The following VAV3 variants were observed in gnomAD, a reference collection of about 807,000 sequenced individuals.
VAV3 encodes vav guanine nucleotide exchange factor 3, also known as guanine nucleotide exchange factor VAV3.
In VAV3, 94 loss-of-function variants were observed where a neutral mutation model predicts 131.2. The ratio of observed to expected loss-of-function variants is 0.72; its 90% CI spans 0.61 to 0.85. VAV3 has a LOEUF of 0.85. Ranked by LOEUF, VAV3 falls within the 40% of genes least tolerant of loss-of-function variation. The probability of loss-of-function intolerance (pLI) is 0.00; values close to 1 mark genes in which losing one functional copy is unlikely to be tolerated. For synonymous variants in VAV3, 349 were observed against 342.0 expected, an observed-to-expected ratio of 1.02 and a Z score of -0.22; for missense variants, 939 against 1,002.7, an observed-to-expected ratio of 0.94 and a Z score of 0.86.
At chr1:107,854,182 C>T (rs1669360268) in intron 2 of VAV3, among the ~76,000 whole-genome samples, 1 of 152,084 alleles carries the variant, frequency 6.6e-6, no homozygotes, top group African/African-American at 2.4e-5. Flanking sequence ...TGGTAGCGTG[C>T]GCCTGTAATC....
At chr1:107,632,771 C>T (rs903489777) in intron 20 of VAV3, among the ~76,000 whole-genome samples, 3 of 152,178 alleles carry the variant, frequency 2.0e-5, no homozygotes, top group Non-Finnish European at 2.9e-5. Flanking sequence ...TCAATGCATA[C>T]TTGCTATCTG....
rs534249740 is a variant in VAV3 at position 107,736,992 on chromosome 1, G to C, written c.1502+11976C>G. ...ACAGTAACCAAAACAGCATGGTACT[G>C]GTACCAAAACAGAGATATAGACCAA... On this transcript the variant is annotated intron_variant, in intron 15 of 26. Coordinates refer to ENST00000370056, the MANE Select transcript of VAV3 (RefSeq NM_006113.5). Among the ~76,000 whole-genome samples, 8 of 152,246 alleles carry C rather than the reference G, an allele frequency of 5.3e-5. No homozygotes were observed. In the South Asian group the frequency reaches 1.7e-3, roughly 32 times the overall value.
At chr1:107,617,484 G>C (rs1653247594) in intron 21 of VAV3, 83 bp downstream of exon 21, 2 of 1,197,108 alleles carry the variant, frequency 1.7e-6, no homozygotes, top group Admixed American at 4.0e-5. Flanking sequence ...GACCTGGCCA[G>C]TATCCTTTGT....
intron 2 of VAV3, among the ~76,000 whole-genome samples, chr1:107,863,994 A>G (rs1423850553): frequency 6.6e-6 from 1 of 152,190 alleles, no homozygotes; most frequent in Non-Finnish European, 1.5e-5. Flanking sequence ...TAAAATTTTA[A>G]GGGAATGTCA....
chr1:107,812,639 T>C (rs939690747), intron 2 of VAV3, among the ~76,000 whole-genome samples: 2 of 152,154 alleles, frequency 1.3e-5, no homozygotes, highest in Admixed American at 6.5e-5. Flanking sequence ...TTAAATCACG[T>C]TGCAAAATAT....
intron 2 of VAV3, among the ~76,000 whole-genome samples, chr1:107,793,311 C>T (rs183290000): frequency 2.2e-4 from 33 of 152,292 alleles, no homozygotes; most frequent in South Asian, 1.5e-3. Context: ...CTGTCATGAA[C>T]GCTACATAAA....
At chr1:107,959,809 G>A (rs1674996355) in intron 1 of VAV3, among the ~76,000 whole-genome samples, 1 of 152,008 alleles carries the variant, frequency 6.6e-6, no homozygotes, top group Non-Finnish European at 1.5e-5. Context: ...TGTCTACTAG[G>A]CACTTCAATC....
chr1:107,868,000 G>A (rs1277450194), intron 2 of VAV3, among the ~76,000 whole-genome samples: 1 of 152,094 alleles, frequency 6.6e-6, no homozygotes. Flanking sequence ...AACTTGTGTG[G>A]GTAGTATGGG....
intron 1 of VAV3, among the ~76,000 whole-genome samples, chr1:107,919,686 T>C (rs1364079765): frequency 6.6e-6 from 1 of 152,170 alleles, no homozygotes; most frequent in African/African-American, 2.4e-5. Flanking sequence ...ATTACAGTTA[T>C]ACAGGTAAAC....
chr1:107,930,172 A>G (rs544473168), intron 1 of VAV3, among the ~76,000 whole-genome samples: 1 of 152,304 alleles, frequency 6.6e-6, no homozygotes, highest in African/African-American at 2.4e-5. Flanking sequence ...AATAACTAAA[A>G]GAGTATAACT....
At chr1:107,787,228 C>T (rs1156803198) in intron 2 of VAV3, among the ~76,000 whole-genome samples, 1 of 152,188 alleles carries the variant, frequency 6.6e-6, no homozygotes, top group East Asian at 1.9e-4. Context: ...CACTTCACTA[C>T]CCTTTCTATA....
At chr1:107,647,645 C>T (rs572869004) in intron 19 of VAV3, among the ~76,000 whole-genome samples, 3 of 152,060 alleles carry the variant, frequency 2.0e-5, no homozygotes, top group South Asian at 4.2e-4. Context: ...AAAACATGTA[C>T]ATTATTTTTT....
chr1:107,914,272 G>A (rs1672510010), intron 1 of VAV3, among the ~76,000 whole-genome samples: 1 of 152,180 alleles, frequency 6.6e-6, no homozygotes, highest in African/African-American at 2.4e-5. Flanking sequence ...AAAATTCAAA[G>A]GGCAGCTGAC....
intron 19 of VAV3, among the ~76,000 whole-genome samples, chr1:107,675,083 A>C (rs1383849490): frequency 6.6e-6 from 1 of 152,190 alleles, no homozygotes; most frequent in Admixed American, 6.5e-5. Flanking sequence ...ATCTTAAGTG[A>C]AGTATTGTAA....
intron 1 of VAV3, among the ~76,000 whole-genome samples, chr1:107,960,398 G>A (rs568173089): frequency 7.9e-5 from 12 of 152,078 alleles, no homozygotes; most frequent in East Asian, 1.9e-4. Flanking sequence ...CCTGGGAGGC[G>A]GAGGTTGCAG....
At chr1:107,766,272 T>A (rs953320834) in intron 8 of VAV3, among the ~76,000 whole-genome samples, 175 bp downstream of exon 8, 1 of 152,184 alleles carries the variant, frequency 6.6e-6, no homozygotes, top group Non-Finnish European at 1.5e-5. Context: ...TTTTCTTTTT[T>A]AATTACATAT....
chr1:107,748,443 C>G (rs148017342), intron 15 of VAV3, among the ~76,000 whole-genome samples: 49 of 152,240 alleles, frequency 3.2e-4, no homozygotes, highest in Admixed American at 5.2e-4. Context: ...GAACTAAAAG[C>G]CACTTAAAGA....
chr1:107,889,492 TCCAGGACCATCTGTGGTGAA>T (rs1671212575), intron 1 of VAV3, among the ~76,000 whole-genome samples: 2 of 151,976 alleles, frequency 1.3e-5, no homozygotes, highest in Admixed American at 1.3e-4. Flanking sequence ...CAGGGCTTGA[TCCAGGACCATCTGTGGTGAA>T]CCAGGACAAT....
At chr1:107,725,410 G>A (rs1050216423) in intron 15 of VAV3, among the ~76,000 whole-genome samples, 2 of 152,158 alleles carry the variant, frequency 1.3e-5, no homozygotes, top group Admixed American at 6.5e-5. Context: ...ATATGCAGCC[G>A]AAAGTAAAGA....
Sources: gnomAD v4.1 joint callset for allele counts (sites outside exome capture counted in the v4.1 genomes callset) on GRCh38, gnomAD v4.1.1 for gene constraint, MANE v1.5 for transcripts, NCBI Gene and HGNC (gene_info 2026-07-23, HGNC 2026-07-21) for gene names.